Variants in EFCAB6 observed in about 807,000 individuals in gnomAD.
EFCAB6 encodes EF-hand calcium binding domain 6, also known as EF-hand calcium-binding domain-containing protein 6.
A neutral mutation model predicts 169.8 loss-of-function variants in EFCAB6; 156 were observed. That is an observed-to-expected ratio of 0.92 (90% CI 0.81 to 1.05). The LOEUF (loss-of-function observed/expected upper bound fraction) is 1.05. EFCAB6 is among the 50% of genes least tolerant of loss of function. The pLI is 0.00. For missense variants in EFCAB6, 1,800 were observed against 1,829.1 expected (o/e 0.98, Z 0.29); for synonymous variants, 698 against 676.4 (o/e 1.03, Z -0.50).
chr22:43,567,917 C>T (rs1569170765), intron 26 of EFCAB6, among the ~76,000 whole-genome samples: 1 of 152,194 alleles, frequency 6.6e-6, no homozygotes, highest in South Asian at 2.1e-4. Context: ...AAGCCATGCT[C>T]CTCCGATTTC....
At chr22:43,708,275 G>A (rs931283447) in intron 10 of EFCAB6, among the ~76,000 whole-genome samples, 69 of 152,022 alleles carry the variant, frequency 4.5e-4, no homozygotes, top group African/African-American at 1.5e-3. Context: ...GCATGGTGGC[G>A]CATGCCTGTA....
At chr22:43,590,863 A>G (rs901720114) in intron 23 of EFCAB6, among the ~76,000 whole-genome samples, 2 of 152,162 alleles carry the variant, frequency 1.3e-5, no homozygotes, top group African/African-American at 4.8e-5. Context: ...ACTGGAGAAC[A>G]GCCAGTGCCA....
chr22:43,538,036 C>T (rs1317028973), intron 28 of EFCAB6, among the ~76,000 whole-genome samples: 4 of 151,252 alleles, frequency 2.6e-5, no homozygotes, highest in African/African-American at 9.7e-5. Context: ...AAGGGAGTGG[C>T]TCTAATCTAG....
chr22:43,659,604 G>A (rs1195595938), intron 17 of EFCAB6, among the ~76,000 whole-genome samples: 1 of 152,004 alleles, frequency 6.6e-6, no homozygotes, highest in African/African-American at 2.4e-5. Flanking sequence ...AGGCTGCAGT[G>A]AGCCCTGATC....
chr22:43,581,873 T>C (rs1453661631), intron 24 of EFCAB6, among the ~76,000 whole-genome samples: 1 of 152,204 alleles, frequency 6.6e-6, no homozygotes, highest in Non-Finnish European at 1.5e-5. Flanking sequence ...GCGGGATAAA[T>C]TGCCAACGTG....
At chr22:43,757,425 T>C (rs905223681) in intron 5 of EFCAB6, among the ~76,000 whole-genome samples, 6 of 151,998 alleles carry the variant, frequency 3.9e-5, no homozygotes, top group African/African-American at 1.5e-4. Flanking sequence ...GGCATGCTTG[T>C]AATCCCAACT....
intron 26 of EFCAB6, among the ~76,000 whole-genome samples, chr22:43,556,713 G>C (rs575332494): frequency 6.6e-6 from 1 of 152,306 alleles, no homozygotes; most frequent in Non-Finnish European, 1.5e-5. Flanking sequence ...AATACAGGAT[G>C]CTGCTGGGAA....
intron 5 of EFCAB6, 144 bp downstream of exon 5, chr22:43,765,161 T>C: frequency 1.9e-6 from 1 of 538,970 alleles, no homozygotes; most frequent in Non-Finnish European, 3.3e-6. Context: ...CTGGATTAAT[T>C]CCATTAAATT....
chr22:43,792,458 T>C (rs2062335125), intron 2 of EFCAB6, among the ~76,000 whole-genome samples: 1 of 152,174 alleles, frequency 6.6e-6, no homozygotes, highest in Non-Finnish European at 1.5e-5. Flanking sequence ...ATGGGAATTA[T>C]CTGTGTAGCT....
At chr22:43,625,837 G>A (rs1569271212) in intron 20 of EFCAB6, among the ~76,000 whole-genome samples, 1 of 152,170 alleles carries the variant, frequency 6.6e-6, no homozygotes, top group Middle Eastern at 3.2e-3. Context: ...ATCAGTTCCC[G>A]AAGAAGAAGG....
At chr22:43,605,650 A>C (rs935947371) in intron 22 of EFCAB6, among the ~76,000 whole-genome samples, 2 of 152,156 alleles carry the variant, frequency 1.3e-5, no homozygotes, top group South Asian at 4.1e-4. Context: ...CAAAAAAAAA[A>C]AATCTCAGTT....
At chr22:43,578,979 CGT>C (rs2050471209) in intron 25 of EFCAB6, among the ~76,000 whole-genome samples, 1 of 149,536 alleles carries the variant, frequency 6.7e-6, no homozygotes, top group African/African-American at 2.5e-5. Flanking sequence ...GGCATCATTC[CGT>C]ACACGCAGGC....
intron 17 of EFCAB6, among the ~76,000 whole-genome samples, chr22:43,636,183 C>T (rs1229702908): frequency 2.0e-5 from 3 of 152,156 alleles, no homozygotes; most frequent in East Asian, 1.9e-4. Flanking sequence ...CTGGGTTTGC[C>T]GATGGGTTGT....
intron 2 of EFCAB6, chr22:43,797,440 G>A (rs1254652431): frequency 2.0e-5 from 3 of 152,552 alleles, no homozygotes; most frequent in African/African-American, 7.2e-5. Context: ...TGGAGCCTTT[G>A]GGTTTGTCAA....
At chr22:43,784,365 G>A (rs952908044) in intron 2 of EFCAB6, among the ~76,000 whole-genome samples, 2 of 150,762 alleles carry the variant, frequency 1.3e-5, no homozygotes, top group African/African-American at 4.9e-5. Context: ...CTTCAGAAAG[G>A]CAAGGCAAGG....
At chr22:43,637,572 A>G (rs2055505576) in intron 17 of EFCAB6, among the ~76,000 whole-genome samples, 1 of 152,224 alleles carries the variant, frequency 6.6e-6, no homozygotes, top group South Asian at 2.1e-4. Flanking sequence ...AGCAGGTGAG[A>G]AAAAAGGGAA....
At chr22:43,686,706 G>C (rs548532869) in intron 11 of EFCAB6, among the ~76,000 whole-genome samples, 2 of 152,118 alleles carry the variant, frequency 1.3e-5, no homozygotes, top group African/African-American at 4.8e-5. Flanking sequence ...ACAGGGACAG[G>C]ACCCACAAAA....
intron 17 of EFCAB6, among the ~76,000 whole-genome samples, chr22:43,658,553 G>T (rs2056857584): frequency 6.6e-6 from 1 of 152,206 alleles, no homozygotes; most frequent in Non-Finnish European, 1.5e-5. Flanking sequence ...GTACGCAGGG[G>T]ATCGAAGCCC....
intron 24 of EFCAB6, among the ~76,000 whole-genome samples, chr22:43,581,621 C>T (rs1341440655): frequency 2.6e-5 from 4 of 152,222 alleles, no homozygotes; most frequent in Non-Finnish European, 5.9e-5. Context: ...ATTGCTGGCA[C>T]TTAAACACCT....
Sources: allele counts gnomAD v4.1 joint callset (sites outside exome capture counted in the v4.1 genomes callset), GRCh38; gene constraint gnomAD v4.1.1; transcripts MANE v1.5; gene names NCBI Gene and HGNC (gene_info 2026-07-23, HGNC 2026-07-21).